The following CLEC16A variants were observed in gnomAD, a reference collection of about 807,000 sequenced individuals.
The protein encoded by CLEC16A is protein CLEC16A.
In CLEC16A, 51 loss-of-function variants were observed where a neutral mutation model predicts 109.5. That is an observed-to-expected ratio of 0.47 (90% CI 0.37 to 0.59). The LOEUF (loss-of-function observed/expected upper bound fraction) is 0.59, where lower values mean the gene tolerates loss of function less well. Among genes scored for constraint, CLEC16A ranks in the 20% least tolerant of loss-of-function variants. CLEC16A has a pLI of 0.00. For synonymous variants in CLEC16A, 673 were observed against 564.2 expected, an observed-to-expected ratio of 1.19 and a Z score of -2.73; for missense variants, 1,339 against 1,394.0, an observed-to-expected ratio of 0.96 and a Z score of 0.63.
intron 19 of CLEC16A, among the ~76,000 whole-genome samples, chr16:11,087,937 C>G (rs1336478449): frequency 6.6e-6 from 1 of 152,262 alleles, no homozygotes; most frequent in Non-Finnish European, 1.5e-5. Flanking sequence ...TGCAGCCGCC[C>G]TGGGCTCCTC....
chr16:11,125,446 G>A (rs1018978973), intron 21 of CLEC16A, among the ~76,000 whole-genome samples: 5 of 152,290 alleles, frequency 3.3e-5, no homozygotes, highest in South Asian at 2.1e-4. Context: ...AAGCCCCTCC[G>A]TATGGATATA....
chr16:10,997,441 C>T (rs778881648), intron 10 of CLEC16A, among the ~76,000 whole-genome samples: 2 of 152,188 alleles, frequency 1.3e-5, no homozygotes. Context: ...TAACCCATAC[C>T]TCCACCCCAC....
intron 19 of CLEC16A, among the ~76,000 whole-genome samples, chr16:11,116,407 GA>G (rs368942214): frequency 1.1e-5 from 1 of 91,490 alleles, no homozygotes; most frequent in Non-Finnish European, 2.3e-5. Flanking sequence ...AAAAAGAAAA[GA>G]AAAAAAAAGG....
At position 11,179,154 on chromosome 16, in the gene CLEC16A, G is replaced by A. The variant is rs2068882030; in HGVS notation, c.*464G>A. ...TATTTATTTCCGCTTTTGGCAGCAGGTGAACATTTATTTTTAAAACTTCTA... is the reference window on the plus strand; with the variant it reads ...TATTTATTTCCGCTTTTGGCAGCAGATGAACATTTATTTTTAAAACTTCTA... On this transcript the variant is annotated 3_prime_UTR_variant, in exon 24 of 24. Coordinates refer to ENST00000409790, the MANE Select transcript of CLEC16A (RefSeq NM_015226.3). 6.3e-6 allele frequency: 1 copy of A among 157,762 alleles called. No individual in the cohort carries two copies. Among genetic ancestry groups the A allele is most frequent in the African/African-American group, 2.4e-5 (1 of 41,670 alleles). The allele number at this position is 157,762 out of a possible 1,614,324, so 9.8% of individuals were successfully genotyped here.
At chr16:10,994,201 T>A (rs2044198266) in intron 10 of CLEC16A, among the ~76,000 whole-genome samples, 1 of 152,182 alleles carries the variant, frequency 6.6e-6, no homozygotes, top group Non-Finnish European at 1.5e-5. Context: ...CCTGCTACCT[T>A]TGCATGTTCC....
intron 19 of CLEC16A, among the ~76,000 whole-genome samples, chr16:11,084,699 G>A (rs557085204): frequency 6.6e-6 from 1 of 152,324 alleles, no homozygotes; most frequent in East Asian, 1.9e-4. Flanking sequence ...CTCCACTGTG[G>A]AGGGAGGCAA....
At chr16:11,078,236 A>G (rs2049500817) in intron 19 of CLEC16A, among the ~76,000 whole-genome samples, 1 of 152,044 alleles carries the variant, frequency 6.6e-6, no homozygotes, top group Non-Finnish European at 1.5e-5. Context: ...CTTTGAAAAC[A>G]ATCTGTACCC....
chr16:11,112,169 T>A (rs949217693), intron 19 of CLEC16A, among the ~76,000 whole-genome samples: 6 of 151,750 alleles, frequency 4.0e-5, no homozygotes, highest in African/African-American at 1.5e-4. Context: ...AGAAAGGAAA[T>A]GGAGAGGAGA....
At chr16:11,088,768 C>G (rs1370420973) in intron 19 of CLEC16A, among the ~76,000 whole-genome samples, 1 of 152,312 alleles carries the variant, frequency 6.6e-6, no homozygotes, top group African/African-American at 2.4e-5. Flanking sequence ...GCCATCTGTA[C>G]CCATCACTTA....
chr16:10,954,320 C>G lies in CLEC16A; in HGVS notation c.81-3462C>G, dbSNP rs954042761. Among the ~76,000 whole-genome samples the G allele has an allele frequency of 1.3e-5, 2 of 152,218 alleles. No individual in the cohort carries two copies. The highest frequency in any genetic ancestry group is 4.8e-5 in the African/African-American group (2 of 41,444). ...GAGTCTGTAGGTCACATGAAGCCCTCGCAGAGAACCAGGCACGTGGGGGCT... is the reference window on the plus strand; with the variant it reads ...GAGTCTGTAGGTCACATGAAGCCCTGGCAGAGAACCAGGCACGTGGGGGCT... On this transcript the variant is annotated intron_variant, in intron 1 of 23. Coordinates refer to ENST00000409790, the MANE Select transcript of CLEC16A (RefSeq NM_015226.3). This position sits in a 1 kb window ranked among gnomAD's most constrained non-coding sequence, Gnocchi z 4.2.
intron 10 of CLEC16A, among the ~76,000 whole-genome samples, chr16:10,987,688 C>T (rs879263532): frequency 2.6e-5 from 4 of 152,196 alleles, no homozygotes; most frequent in African/African-American, 4.8e-5. Flanking sequence ...GGCTGAATTC[C>T]TTCTGTGACT....
At chr16:11,129,607 C>T (rs763401699) in intron 22 of CLEC16A, among the ~76,000 whole-genome samples, 23 of 152,308 alleles carry the variant, frequency 1.5e-4, no homozygotes, top group Non-Finnish European at 2.9e-4. Context: ...CCTTCCCTGC[C>T]CCAGGGCCTT....
intron 13 of CLEC16A, chr16:11,026,958 CAG>C (rs2152817847): frequency 7.3e-7 from 1 of 1,378,010 alleles, no homozygotes; most frequent in East Asian, 2.3e-5. Flanking sequence ...GTCAAGTAAA[CAG>C]CGCGCGTGCT....
At chr16:11,050,393 A>G (rs2047877644) in intron 17 of CLEC16A, among the ~76,000 whole-genome samples, 2 of 152,190 alleles carry the variant, frequency 1.3e-5, no homozygotes, top group Non-Finnish European at 2.9e-5. Flanking sequence ...TCCCTGCCCT[A>G]TGTAGTCAGC....
Position 11,177,323 on chromosome 16 carries a change from G to A in CLEC16A, c.2807-1012G>A, listed in dbSNP as rs41365. 2.4e-3 allele frequency among the ~76,000 whole-genome samples: 373 copies of A among 152,338 alleles called. 3 individuals are homozygous for A. Among genetic ancestry groups the A allele is most frequent in the African/African-American group, 8.2e-3 (341 of 41,564 alleles). On this transcript the variant is annotated intron_variant, in intron 23 of 23. Transcript: ENST00000409790. ...TGTCTGTAGGATTTTGAAAAGGGCC[G>A]GGCACGGTGGCTCATGCCTGTAATC...
chr16:11,032,389 T>C (rs1373211598), intron 13 of CLEC16A, among the ~76,000 whole-genome samples: 1 of 152,118 alleles, frequency 6.6e-6, no homozygotes, highest in Non-Finnish European at 1.5e-5. Flanking sequence ...TCAGAATGGG[T>C]TTGCAGTAAT....
At chr16:11,116,689 G>A (rs1007911435) in intron 19 of CLEC16A, among the ~76,000 whole-genome samples, 4 of 152,278 alleles carry the variant, frequency 2.6e-5, no homozygotes, top group African/African-American at 7.2e-5. Context: ...AAAAAGGAGA[G>A]GGGGGAAATC....
chr16:10,967,805 C>T (rs764939401), intron 3 of CLEC16A, among the ~76,000 whole-genome samples: 5 of 152,174 alleles, frequency 3.3e-5, no homozygotes, highest in Admixed American at 6.5e-5. Flanking sequence ...GTGGCAGGGG[C>T]GAGATGTGGA....
intron 3 of CLEC16A, among the ~76,000 whole-genome samples, chr16:10,964,629 C>T (rs772796706): frequency 2.0e-5 from 3 of 152,156 alleles, no homozygotes; most frequent in Non-Finnish European, 4.4e-5. Context: ...AGTGTCCCTG[C>T]CCTGGGAAGC....
Sources: gnomAD v4.1 joint callset for allele counts (sites outside exome capture counted in the v4.1 genomes callset) on GRCh38, gnomAD v4.1.1 for gene constraint, Gnocchi (gnomAD v3.1) non-coding constraint, MANE v1.5 for transcripts, NCBI Gene and HGNC (gene_info 2026-07-23, HGNC 2026-07-21) for gene names.